ABHD18: variants seen among roughly 807,000 people sequenced by gnomAD.
ABHD18 encodes the protein abhydrolase domain containing 18.
Under a neutral mutation model 65.9 loss-of-function variants are expected in ABHD18, and 55 were observed. That is an observed-to-expected ratio of 0.84 (90% confidence interval 0.67 to 1.05). The LOEUF is 1.05. Among genes scored for constraint, ABHD18 ranks in the 50% least tolerant of loss-of-function variants. The pLI is 0.00. For synonymous variants in ABHD18, 181 were observed against 180.2 expected (o/e 1.00, Z -0.04); for missense variants, 533 against 558.5 (o/e 0.95, Z 0.46).
At position 128,035,766 on chromosome 4, in the gene ABHD18, G is replaced by A; in HGVS notation, c.1348G>A (p.Ala450Thr). ...YLFKQGLFRQ[A>T]IYDAFDRFLH... is the part of the protein sequence containing the mutation. ...TTCTTTCATATTTAATTTTAGACAA[G>A]CCATCTATGATGCATTTGACCGCTT... The change falls in exon 13 of 13, where the codon GCC becomes ACC. Residue 450 changes from alanine (A) to threonine (T), a missense_variant. Physicochemically the swap from Ala to Thr is moderately conservative, Grantham distance 58. Coordinates refer to ENST00000645843, the MANE Select transcript of ABHD18 (RefSeq NM_001358451.3). 1 of 1,525,700 alleles carries A rather than the reference G, an allele frequency of 6.6e-7. No individual in the cohort carries two copies. Among genetic ancestry groups the A allele is most frequent in the African/African-American group, 1.4e-5 (1 of 72,604 alleles). The allele number at this position is 1,525,700 out of a possible 1,614,324, so 94.5% of individuals were successfully genotyped here.
At chr4:128,033,711 T>C (rs1182484658) in intron 12 of ABHD18, among the ~76,000 whole-genome samples, 1 of 151,460 alleles carries the variant, frequency 6.6e-6, no homozygotes, top group African/African-American at 2.4e-5. Flanking sequence ...AATTTTTTTC[T>C]ATTTTTAGTA....
intron 10 of ABHD18, among the ~76,000 whole-genome samples, chr4:128,027,684 G>A (rs182249242): frequency 2.3e-4 from 35 of 152,204 alleles, no homozygotes; most frequent in African/African-American, 7.9e-4. Flanking sequence ...GATTACAGGC[G>A]TGAGCCACCG....
At chr4:127,981,598 C>G (rs1301491926) in intron 1 of ABHD18, among the ~76,000 whole-genome samples, 1 of 151,884 alleles carries the variant, frequency 6.6e-6, no homozygotes, top group Admixed American at 6.6e-5. Context: ...ACTTATTAAC[C>G]CACCCAGGGA....
rs527381951 is a variant in ABHD18, at chr4:127,965,695, G to C, written c.-18+89G>C. Reference sequence around the variant, plus strand: ...GTGTACGCGCCTGGAGGCAGGGACCGGGGACGCGGAGCTGGGCGGGAGACT... The same window carrying C: ...GTGTACGCGCCTGGAGGCAGGGACCCGGGACGCGGAGCTGGGCGGGAGACT... On this transcript the variant is annotated intron_variant, in intron 1 of 12. Coordinates refer to ENST00000645843, the MANE Select transcript of ABHD18 (RefSeq NM_001358451.3). 2.3e-5 allele frequency: 4 copies of C among 171,178 alleles called. No individual in the cohort carries two copies. In the South Asian group the frequency reaches 4.8e-4, roughly 21 times the overall value. 10.6% of individuals were successfully genotyped at this position (171,178 alleles called of 1,614,324 possible).
At chr4:128,009,801 G>T (rs187986830) in intron 6 of ABHD18, among the ~76,000 whole-genome samples, 70 of 152,214 alleles carry the variant, frequency 4.6e-4, no homozygotes, top group African/African-American at 1.7e-3. Context: ...TTGACAAAAT[G>T]ATTTTGATTC....
intron 8 of ABHD18, among the ~76,000 whole-genome samples, chr4:128,017,824 T>A (rs545386541): frequency 6.6e-6 from 1 of 152,240 alleles, no homozygotes; most frequent in African/African-American, 2.4e-5. Context: ...GAAAATACTT[T>A]CCATTTATCT....
At chr4:128,028,306 G>C (rs988034130) in intron 10 of ABHD18, among the ~76,000 whole-genome samples, 169 bp from the exon 11 acceptor site, 1 of 150,502 alleles carries the variant, frequency 6.6e-6, no homozygotes, top group African/African-American at 2.5e-5. Flanking sequence ...GCATGTGTCA[G>C]AATTTCATTC....
chr4:127,990,254 T>C (rs1401959087), intron 4 of ABHD18, among the ~76,000 whole-genome samples: 2 of 152,102 alleles, frequency 1.3e-5, no homozygotes, highest in Non-Finnish European at 2.9e-5. Flanking sequence ...AGTGGAGAGA[T>C]TTTTGGCTTT....
chr4:128,026,875 T>G (rs1309051544), intron 10 of ABHD18, among the ~76,000 whole-genome samples: 3 of 151,512 alleles, frequency 2.0e-5, no homozygotes, highest in Non-Finnish European at 4.4e-5. Context: ...AACCTCCGCC[T>G]CCTGGGTTCA....
chr4:128,038,198 A>G lies in ABHD18; in HGVS notation c.*2385A>G, dbSNP rs1759048281. The G allele has an allele frequency of 6.6e-6, 1 of 152,204 alleles. No homozygotes were observed. 9.4% of individuals were successfully genotyped at this position (152,204 alleles called of 1,614,324 possible). ...TTCTTTCAAACTACTTTGGCATAAC[A>G]AGCCAACACTGTACAGCTCTTTGAG... On this transcript the variant is annotated 3_prime_UTR_variant, in exon 13 of 13. Transcript: ENST00000645843.
rs1057218667 is a variant in ABHD18, at chr4:128,037,032, T to C, written c.*1219T>C. The C allele has an allele frequency of 6.7e-6, 1 of 148,416 alleles. No homozygotes were observed. Among genetic ancestry groups the C allele is most frequent in the Non-Finnish European group, 1.5e-5 (1 of 67,798 alleles). The allele number at this position is 148,416 out of a possible 1,614,324, so 9.2% of individuals were successfully genotyped here. ...TACTCAGGAGGCTGAGGCAGGAGAA[T>C]TGGTTGAACCAAGGAGGCGGAGGTT... On this transcript the variant is annotated 3_prime_UTR_variant, in exon 13 of 13. Coordinates refer to ENST00000645843, the MANE Select transcript of ABHD18 (RefSeq NM_001358451.3).
intron 12 of ABHD18, chr4:128,030,916 C>T (rs1166249031): frequency 1.7e-6 from 2 of 1,174,874 alleles, no homozygotes; most frequent in Non-Finnish European, 2.1e-6. Context: ...TGGCTTTCCC[C>T]TCTTCAAATA....
chr4:127,993,997 C>T (rs1320243571), intron 4 of ABHD18, among the ~76,000 whole-genome samples: 1 of 152,126 alleles, frequency 6.6e-6, no homozygotes, highest in Non-Finnish European at 1.5e-5. Context: ...CAAGGAGAAA[C>T]CTATTTGTCC....
chr4:128,033,271 G>C (rs1386309213), intron 12 of ABHD18, among the ~76,000 whole-genome samples: 1 of 151,946 alleles, frequency 6.6e-6, no homozygotes, highest in African/African-American at 2.4e-5. Context: ...AAATTATCCA[G>C]TGGGCAATAA....
intron 12 of ABHD18, among the ~76,000 whole-genome samples, chr4:128,032,622 G>A (rs1278921147): frequency 6.6e-6 from 1 of 152,102 alleles, no homozygotes; most frequent in African/African-American, 2.4e-5. Context: ...GGAGGTGGAG[G>A]TTGCAGTGAG....
intron 8 of ABHD18, 38 bp from the exon 9 acceptor site, chr4:128,020,042 A>G (rs772924492): frequency 7.4e-7 from 1 of 1,351,480 alleles, no homozygotes; most frequent in Admixed American, 2.0e-5. Context: ...TAATGAATAG[A>G]AACTCTAAAT....
In ABHD18 at chr4:128,036,127, ATAAAT is replaced by A. The variant is rs1758863712; in HGVS notation, c.*316_*320del. On this transcript the variant is annotated 3_prime_UTR_variant, in exon 13 of 13. Transcript: ENST00000645843. ...AATCATGAATAATTTATTAAATTAA[ATAAAT>A]TTATTCATAGAAACTTTTCTGGGTT... The A allele has an allele frequency of 5.6e-6, 1 of 178,924 alleles. No individual in the cohort carries two copies. The highest frequency in any genetic ancestry group is 1.4e-4 in the East Asian group (1 of 7,374). 11.1% of individuals were successfully genotyped at this position (178,924 alleles called of 1,614,324 possible).
At chr4:127,974,353 A>G (rs530465609) in intron 1 of ABHD18, among the ~76,000 whole-genome samples, 3 of 150,446 alleles carry the variant, frequency 2.0e-5, no homozygotes, top group Non-Finnish European at 4.4e-5. Context: ...GCACACCACT[A>G]TGGACCACTG....
chr4:127,993,523 T>C (rs1024135077), intron 4 of ABHD18, among the ~76,000 whole-genome samples: 2 of 152,188 alleles, frequency 1.3e-5, no homozygotes, highest in African/African-American at 4.8e-5. Context: ...TCCCCCGTCA[T>C]TCTTGTGCAG....
Sources: allele counts gnomAD v4.1 joint callset (sites outside exome capture counted in the v4.1 genomes callset), GRCh38; gene constraint gnomAD v4.1.1; transcripts MANE v1.5; gene names NCBI Gene and HGNC (gene_info 2026-07-23, HGNC 2026-07-21).